PTPRG: variants seen among roughly 807,000 people sequenced by gnomAD.
PTPRG encodes the protein protein tyrosine phosphatase receptor type G.
In PTPRG, 102 loss-of-function variants were observed where a neutral mutation model predicts 165.3. The observed-to-expected ratio is 0.62, with a 90% confidence interval of 0.53 to 0.73. The LOEUF is 0.73. PTPRG is among the 30% of genes least tolerant of loss of function. The pLI, the probability that PTPRG is intolerant of heterozygous loss-of-function variation, is 0.00. For missense variants in PTPRG, 1,866 were observed against 1,861.4 expected, an observed-to-expected ratio of 1.00 and a Z score of -0.05; for synonymous variants, 675 against 669.5, an observed-to-expected ratio of 1.01 and a Z score of -0.13.
At chr3:62,095,860 G>A (rs1702091205) in intron 5 of PTPRG, among the ~76,000 whole-genome samples, 2 of 152,124 alleles carry the variant, frequency 1.3e-5, no homozygotes, top group South Asian at 2.1e-4. Flanking sequence ...ACTAGCAATA[G>A]CATGAGCAAT....
rs1700717275 is a variant in PTPRG at position 62,224,435 on chromosome 3, C to T, written c.2288+5452C>T. On this transcript the variant is annotated intron_variant, in intron 13 of 29. Coordinates refer to ENST00000474889, the MANE Select transcript of PTPRG (RefSeq NM_002841.4). The surrounding 1 kb of genome is among the most constrained non-coding windows in gnomAD (Gnocchi z 4.9). ...AGAGAAGTTGAGGAGGCACCAAGCT[C>T]TCAACTGCTTGGCCTAGAAGTGGAA... 6.6e-6 allele frequency among the ~76,000 whole-genome samples: 1 copy of T among 152,332 alleles called. No homozygotes were observed. Among genetic ancestry groups the T allele is most frequent in the South Asian group, 2.1e-4 (1 of 4,828 alleles).
At chr3:61,742,863 G>T in intron 1 of PTPRG, 9 of 1,561,122 alleles carry the variant, frequency 5.8e-6, no homozygotes, top group Non-Finnish European at 7.9e-6. Flanking sequence ...CCATGTGGGG[G>T]ATATCCACGG....
At chr3:61,854,349 T>G (rs1397786380) in intron 2 of PTPRG, among the ~76,000 whole-genome samples, 4 of 152,108 alleles carry the variant, frequency 2.6e-5, no homozygotes, top group Non-Finnish European at 4.4e-5. Flanking sequence ...GTAAAATAGG[T>G]CTGATTTCAC....
intron 2 of PTPRG, among the ~76,000 whole-genome samples, chr3:61,807,223 T>C (rs2035444732): frequency 6.6e-6 from 1 of 152,118 alleles, no homozygotes; most frequent in Admixed American, 6.6e-5. Flanking sequence ...AATGGGAAAT[T>C]TAATAGTTTG....
intron 1 of PTPRG, among the ~76,000 whole-genome samples, chr3:61,610,899 T>C (rs1331240054): frequency 6.6e-6 from 1 of 152,040 alleles, no homozygotes; most frequent in African/African-American, 2.4e-5. Context: ...GTCTACCTTC[T>C]GGGTTCAAGT....
chr3:62,030,477 G>T (rs1699732839), intron 4 of PTPRG, among the ~76,000 whole-genome samples: 1 of 152,086 alleles, frequency 6.6e-6, no homozygotes, highest in Non-Finnish European at 1.5e-5. Flanking sequence ...TTCATTCTAT[G>T]GACTTATTGT....
chr3:61,591,786 G>C (rs987072616), intron 1 of PTPRG, among the ~76,000 whole-genome samples: 1 of 152,134 alleles, frequency 6.6e-6, no homozygotes, highest in Non-Finnish European at 1.5e-5. Context: ...TGGGTAGATG[G>C]TGACAAGGGC....
intron 4 of PTPRG, among the ~76,000 whole-genome samples, chr3:62,039,363 T>C (rs1700055641): frequency 6.6e-6 from 1 of 152,072 alleles, no homozygotes; most frequent in African/African-American, 2.4e-5. Context: ...AGTAAGAAAT[T>C]TCTGGGAAGT....
chr3:61,821,782 C>T lies in PTPRG; in HGVS notation c.190+72800C>T, dbSNP rs374015844. ...GAATATGATAATGATTGAGAACATC[C>T]GCCCAAGATGCATGCTAAGCGCTTT... is the stretch of plus-strand genomic sequence containing the variant. On this transcript the variant is annotated intron_variant, in intron 2 of 29. Coordinates refer to ENST00000474889, the MANE Select transcript of PTPRG (RefSeq NM_002841.4). Among the ~76,000 whole-genome samples, 44 of 152,240 alleles carry T rather than the reference C, an allele frequency of 2.9e-4. No homozygotes were observed. In the East Asian group the frequency reaches 4.4e-3, roughly 15 times the overall value.
chr3:62,239,745 T>C (rs947042470), intron 14 of PTPRG, among the ~76,000 whole-genome samples: 52 of 152,234 alleles, frequency 3.4e-4, no homozygotes, highest in African/African-American at 1.3e-3. Flanking sequence ...AGTTCAGAGG[T>C]TTAGAGGCAT....
At chr3:62,117,941 A>C (rs1445081214) in intron 5 of PTPRG, among the ~76,000 whole-genome samples, 1 of 152,162 alleles carries the variant, frequency 6.6e-6, no homozygotes, top group Non-Finnish European at 1.5e-5. Flanking sequence ...TAGCACTGAT[A>C]ATTTTAACAG....
chr3:62,145,359 C>G (rs79382872), intron 6 of PTPRG, among the ~76,000 whole-genome samples: 4,611 of 152,228 alleles, frequency 0.03, 261 homozygotes, highest in East Asian at 0.26. Context: ...ACCACTGCCA[C>G]CAACCCCCAC....
chr3:61,605,747 T>G (rs1559521081), intron 1 of PTPRG, among the ~76,000 whole-genome samples: 1 of 152,108 alleles, frequency 6.6e-6, no homozygotes, highest in East Asian at 1.9e-4. Flanking sequence ...TTTTCTAGTT[T>G]TATGTTTGTA....
At chr3:61,887,159 TATATATATATA>T (rs1575754357) in intron 2 of PTPRG, among the ~76,000 whole-genome samples, 2 of 91,008 alleles carry the variant, frequency 2.2e-5, no homozygotes, top group African/African-American at 6.4e-5. Context: ...TATATATATA[TATATATATATA>T]TTTTTAATGC....
At chr3:61,747,127 A>C (rs1050981916) in intron 1 of PTPRG, among the ~76,000 whole-genome samples, 2 of 152,174 alleles carry the variant, frequency 1.3e-5, no homozygotes, top group Non-Finnish European at 2.9e-5. Context: ...TGTTTCAAAA[A>C]AAAAACAAAA....
chr3:62,152,911 G>A (rs1704388963), intron 6 of PTPRG, among the ~76,000 whole-genome samples: 1 of 152,138 alleles, frequency 6.6e-6, no homozygotes, highest in Non-Finnish European at 1.5e-5. Context: ...CCATTCTACT[G>A]TCTATTTTTG....
chr3:62,080,420 G>T (rs975646403), intron 5 of PTPRG, among the ~76,000 whole-genome samples: 6 of 151,972 alleles, frequency 3.9e-5, no homozygotes. Flanking sequence ...TGGTAGAACT[G>T]GGACCACACA....
intron 8 of PTPRG, among the ~76,000 whole-genome samples, chr3:62,187,155 G>A (rs1699680365): frequency 6.6e-6 from 1 of 152,234 alleles, no homozygotes; most frequent in Admixed American, 6.5e-5. Context: ...ACCTAGTGGG[G>A]GAGATAGATA....
intron 1 of PTPRG, among the ~76,000 whole-genome samples, chr3:61,674,476 G>GA (rs143367490): frequency 2.2e-3 from 205 of 95,000 alleles, no homozygotes; most frequent in Middle Eastern, 0.011. Flanking sequence ...GATAGAGTGA[G>GA]ACTCCATCTC....
Sources: gnomAD v4.1 joint callset for allele counts (sites outside exome capture counted in the v4.1 genomes callset) on GRCh38, gnomAD v4.1.1 for gene constraint, Gnocchi (gnomAD v3.1) non-coding constraint, MANE v1.5 for transcripts, NCBI Gene and HGNC (gene_info 2026-07-23, HGNC 2026-07-21) for gene names.